The following CCSER1 variants were observed in gnomAD, a reference collection of about 807,000 sequenced individuals.
CCSER1 encodes coiled-coil serine rich protein 1, also known as serine-rich coiled-coil domain-containing protein 1.
Under a neutral mutation model 82.0 loss-of-function variants are expected in CCSER1, and 41 were observed. The ratio of observed to expected loss-of-function variants is 0.50; its 90% CI spans 0.39 to 0.65. CCSER1 has a LOEUF of 0.65. Ranked by LOEUF, CCSER1 falls within the 30% of genes least tolerant of loss-of-function variation. CCSER1 has a pLI of 0.00. For missense variants in CCSER1, 1,119 were observed against 1,064.2 expected (o/e 1.05, Z -0.72); for synonymous variants, 414 against 383.9 (o/e 1.08, Z -0.92).
At chr4:90,396,277 A>C (rs140278901) in intron 3 of CCSER1, among the ~76,000 whole-genome samples, 1,542 of 152,280 alleles carry the variant, frequency 0.01, 17 homozygotes, top group South Asian at 0.03. Context: ...TTGAGATATC[A>C]TCATTAGTGT....
chr4:90,981,953 C>T (rs146014982), intron 9 of CCSER1, among the ~76,000 whole-genome samples: 2,148 of 151,920 alleles, frequency 0.014, 34 homozygotes, highest in Non-Finnish European at 0.023. Flanking sequence ...CATCTTCCTG[C>T]ACCCTTGCAT....
chr4:91,150,511 A>C (rs563280119), intron 10 of CCSER1, among the ~76,000 whole-genome samples: 2 of 152,272 alleles, frequency 1.3e-5, no homozygotes, highest in South Asian at 2.1e-4. Flanking sequence ...AACATCCAAC[A>C]CTATGTTGAA....
chr4:91,441,087 A>G (rs1397157937), intron 10 of CCSER1, among the ~76,000 whole-genome samples: 1 of 152,164 alleles, frequency 6.6e-6, no homozygotes, highest in Non-Finnish European at 1.5e-5. Flanking sequence ...TCCAATCAAT[A>G]GAAAAAGAGG....
intron 8 of CCSER1, among the ~76,000 whole-genome samples, chr4:90,878,962 C>G (rs1460082735): frequency 2.6e-5 from 4 of 152,128 alleles, no homozygotes; most frequent in African/African-American, 9.7e-5. Context: ...ATGTCCATTT[C>G]ATTTCCTTCT....
intron 9 of CCSER1, among the ~76,000 whole-genome samples, chr4:90,957,923 C>T (rs1256713242): frequency 1.3e-5 from 2 of 151,552 alleles, no homozygotes; most frequent in Non-Finnish European, 2.9e-5. Flanking sequence ...CAAACTTACA[C>T]CTGCAGCAAG....
chr4:90,427,883 A>G (rs1443821798), intron 4 of CCSER1, among the ~76,000 whole-genome samples: 1 of 151,820 alleles, frequency 6.6e-6, no homozygotes, highest in Non-Finnish European at 1.5e-5. Flanking sequence ...CTATTTTGTA[A>G]TCTAGCTTTT....
chr4:91,462,316 T>C (rs1458949583), intron 10 of CCSER1, among the ~76,000 whole-genome samples: 2 of 152,186 alleles, frequency 1.3e-5, no homozygotes, highest in Non-Finnish European at 2.9e-5. Flanking sequence ...ATTGAAGCTC[T>C]CTTCTAAAAC....
intron 8 of CCSER1, among the ~76,000 whole-genome samples, chr4:90,861,924 A>ATT (rs200410629): frequency 1.3e-4 from 14 of 108,938 alleles, no homozygotes; most frequent in South Asian, 2.9e-4. Flanking sequence ...ATATATATAT[A>ATT]TATTTTTTTT....
At chr4:91,299,960 C>T (rs558875357) in intron 10 of CCSER1, among the ~76,000 whole-genome samples, 7 of 151,824 alleles carry the variant, frequency 4.6e-5, no homozygotes, top group Non-Finnish European at 8.8e-5. Context: ...AAGAGAAACA[C>T]ACACAAAAAA....
At chr4:90,155,826 C>T (rs1415838864) in intron 1 of CCSER1, among the ~76,000 whole-genome samples, 2 of 151,458 alleles carry the variant, frequency 1.3e-5, no homozygotes, top group African/African-American at 2.4e-5. Flanking sequence ...AAAACCAGCT[C>T]CTGGATTCAT....
chr4:91,097,099 A>G (rs1724585398), intron 10 of CCSER1, among the ~76,000 whole-genome samples: 1 of 152,126 alleles, frequency 6.6e-6, no homozygotes, highest in African/African-American at 2.4e-5. Context: ...CAGTTTTTTA[A>G]TGGCGGATTG....
At chr4:91,242,315 A>C (rs2149131492) in intron 10 of CCSER1, among the ~76,000 whole-genome samples, 1 of 152,314 alleles carries the variant, frequency 6.6e-6, no homozygotes, top group East Asian at 1.9e-4. Context: ...CCATTCATGG[A>C]GAATGCACTG....
intron 1 of CCSER1, among the ~76,000 whole-genome samples, chr4:90,179,495 C>T (rs543614843): frequency 6.6e-6 from 1 of 152,284 alleles, no homozygotes; most frequent in Non-Finnish European, 1.5e-5. Flanking sequence ...CCTCCTGCCT[C>T]AGTCTCTAGA....
intron 3 of CCSER1, among the ~76,000 whole-genome samples, chr4:90,331,424 GA>G (rs1739263409): frequency 6.6e-6 from 1 of 152,102 alleles, no homozygotes. Context: ...TAGTCAACAG[GA>G]AGAGAAGATT....
chr4:90,485,522 C>CT lies in CCSER1; in HGVS notation c.1724+17168_1724+17169insT, dbSNP rs565826221. Among the ~76,000 whole-genome samples, 281 of 150,616 alleles carry CT rather than the reference C, an allele frequency of 1.9e-3. 2 individuals carry two copies. The highest frequency in any genetic ancestry group is 6.6e-3 in the African/African-American group (272 of 41,188). ...CTATTCGGCCATCTTGGCTCCACCC[C>CT]CCCCCCCCAATTTAACTTTTATTTA... On this transcript the variant is annotated intron_variant, in intron 5 of 10. Coordinates refer to ENST00000509176, the MANE Select transcript of CCSER1 (RefSeq NM_001145065.2).
intron 7 of CCSER1, among the ~76,000 whole-genome samples, chr4:90,749,524 CT>C (rs1264189044): frequency 6.6e-6 from 1 of 152,036 alleles, no homozygotes; most frequent in Admixed American, 6.6e-5. Context: ...TATGCGGGCT[CT>C]TTTTTGGTTC....
intron 1 of CCSER1, among the ~76,000 whole-genome samples, chr4:90,242,957 G>A (rs1367089197): frequency 6.6e-6 from 1 of 151,924 alleles, no homozygotes; most frequent in African/African-American, 2.4e-5. Context: ...TAGTGAAACT[G>A]CTTGGTTCTT....
At chr4:91,068,937 C>T (rs1721132174) in intron 9 of CCSER1, among the ~76,000 whole-genome samples, 1 of 152,120 alleles carries the variant, frequency 6.6e-6, no homozygotes, top group South Asian at 2.1e-4. Context: ...AATCCCAGCA[C>T]TTTGGGAGGC....
At chr4:91,463,442 C>T (rs947179054) in intron 10 of CCSER1, among the ~76,000 whole-genome samples, 2 of 152,196 alleles carry the variant, frequency 1.3e-5, no homozygotes, top group African/African-American at 4.8e-5. Flanking sequence ...TTCTAAAAAT[C>T]AGAGCACCTC....
Sources: gnomAD v4.1 joint callset for allele counts (sites outside exome capture counted in the v4.1 genomes callset) on GRCh38, gnomAD v4.1.1 for gene constraint, MANE v1.5 for transcripts, NCBI Gene and HGNC (gene_info 2026-07-23, HGNC 2026-07-21) for gene names.